Variants in DNAH14 observed in about 807,000 individuals in gnomAD.
The protein encoded by DNAH14 is axonemal beta dynein heavy chain 14.
In DNAH14, 478 loss-of-function variants were observed where a neutral mutation model predicts 520.9. The ratio of observed to expected loss-of-function variants is 0.92; its 90% CI spans 0.85 to 0.99. DNAH14 has a LOEUF of 0.99. Ranked by LOEUF, DNAH14 falls within the 50% of genes least tolerant of loss-of-function variation. The pLI is 0.00. For missense variants in DNAH14, 4,831 were observed against 5,234.5 expected (o/e 0.92, Z 2.38); for synonymous variants, 1,581 against 1,757.2 (o/e 0.90, Z 2.51).
chr1:225,266,705 T>A lies in DNAH14; in HGVS notation c.7475T>A (p.Leu2492Gln). 6.6e-7 allele frequency: 1 copy of A among 1,525,600 alleles called. No homozygotes were observed. 94.5% of individuals were successfully genotyped at this position (1,525,600 alleles called of 1,614,324 possible). A position where few individuals can be genotyped will look rare whatever the true frequency, so the allele number is the denominator to read the frequency against. Residue 2492 changes from leucine (L) to glutamine (Q), a missense_variant, in exon 49 of 86, where the codon CTG (leucine) becomes CAG (glutamine). Transcript: ENST00000682510. ...VSDMYGAQPP[L>Q]ELIRQLLDLG... ...GATATGTATGGAGCACAGCCACCCC[T>A]GGAATTGATAAGACAATTGTTAGAT...
At chr1:225,218,069 C>T (rs764967828) in intron 41 of DNAH14, among the ~76,000 whole-genome samples, 10 of 151,978 alleles carry the variant, frequency 6.6e-5, no homozygotes, top group Admixed American at 3.3e-4. Flanking sequence ...GCTTCATAAG[C>T]AAAGGAGAAA....
At chr1:224,936,851 A>G (rs896082148) in intron 1 of DNAH14, among the ~76,000 whole-genome samples, 3 of 152,158 alleles carry the variant, frequency 2.0e-5, no homozygotes, top group African/African-American at 4.8e-5. Context: ...TCAACAACAC[A>G]TTAAAAAAAT....
chr1:225,225,082 A>G (rs1204764034), intron 41 of DNAH14, among the ~76,000 whole-genome samples: 1 of 152,094 alleles, frequency 6.6e-6, no homozygotes, highest in South Asian at 2.1e-4. Flanking sequence ...AAACCACCCA[A>G]TCACATCTAT....
chr1:225,185,294 T>G lies in DNAH14; in HGVS notation c.5539T>G (p.Cys1847Gly). 1 of 1,536,696 alleles carries G rather than the reference T, an allele frequency of 6.5e-7. No homozygotes were observed. Among genetic ancestry groups the G allele is most frequent in the Non-Finnish European group, 8.8e-7 (1 of 1,142,680 alleles). Reference sequence around the variant, plus strand: ...AAATCTGTAAATTTTGTTTTAGGTTTGTGTTGGTGTGATGTTAGTGGGCCC... The same window carrying G: ...AAATCTGTAAATTTTGTTTTAGGTTGGTGTTGGTGTGATGTTAGTGGGCCC... ...IIQFYNQLQV[C>G]VGVMLVGPTG... The change falls in exon 37 of 86, where the codon TGT becomes GGT. Residue 1847 changes from cysteine to glycine, a missense_variant. Cys to Gly is a radical substitution (Grantham distance 159, BLOSUM62 -3). Coordinates refer to ENST00000682510, the MANE Select transcript of DNAH14 (RefSeq NM_001367479.1).
Position 225,100,956 on chromosome 1 carries a change from A to G in DNAH14, c.3867+72A>G, listed in dbSNP as rs1285128820. 4.8e-6 allele frequency: 6 copies of G among 1,237,794 alleles called. No homozygotes were observed. The Admixed American group carries it at 1.1e-4, about 22-fold the overall frequency. 76.7% of individuals were successfully genotyped at this position (1,237,794 alleles called of 1,614,324 possible). ...AAGTAAAAGTGATATAATGTAATCT[A>G]CTGCAGAAGCTAATTCCAGTGCAGA... On this transcript the variant is annotated intron_variant, in intron 23 of 85. Transcript: ENST00000682510.
At position 225,351,990 on chromosome 1, in the gene DNAH14, G is replaced by T; in HGVS notation, c.11533+107G>T. ...ATCTTACATTATGAAAAAATTGAAG[G>T]GAGGACTATAACTACATTTTCAGCA... On this transcript the variant is annotated intron_variant, in intron 72 of 85. Coordinates refer to ENST00000682510, the MANE Select transcript of DNAH14 (RefSeq NM_001367479.1). The T allele has an allele frequency of 3.5e-6, 3 of 850,894 alleles. No homozygotes were observed. The South Asian group carries it at 5.6e-5, about 16-fold the overall frequency. The allele number at this position is 850,894 out of a possible 1,614,324, so 52.7% of individuals were successfully genotyped here.
chr1:224,954,006 A>G (rs973001688), intron 2 of DNAH14, among the ~76,000 whole-genome samples: 1 of 152,182 alleles, frequency 6.6e-6, no homozygotes, highest in Non-Finnish European at 1.5e-5. Flanking sequence ...AGATAATTCC[A>G]AATCAGAGAT....
chr1:224,975,300 A>AG (rs1432924313), intron 8 of DNAH14, among the ~76,000 whole-genome samples: 1 of 152,148 alleles, frequency 6.6e-6, no homozygotes, highest in Non-Finnish European at 1.5e-5. Context: ...CAGAAGGAAT[A>AG]GTACCAGTTC....
chr1:225,136,259 G>A (rs774928425), intron 27 of DNAH14, among the ~76,000 whole-genome samples: 20 of 152,098 alleles, frequency 1.3e-4, no homozygotes, highest in Non-Finnish European at 2.6e-4. Context: ...TCACTAGTCT[G>A]TGTACATCAG....
chr1:225,274,521 A>G (rs573525530), intron 52 of DNAH14, among the ~76,000 whole-genome samples: 10 of 152,260 alleles, frequency 6.6e-5, no homozygotes, highest in African/African-American at 2.4e-4. Context: ...ACTTTTTAGT[A>G]TTAGCCATTC....
chr1:225,038,220 A>G (rs1403506743), intron 11 of DNAH14, among the ~76,000 whole-genome samples: 2 of 152,098 alleles, frequency 1.3e-5, no homozygotes, highest in African/African-American at 4.8e-5. Context: ...TGCCAGATGT[A>G]CCATTCTAGG....
At chr1:225,385,770 C>T (rs1035768477) in intron 81 of DNAH14, among the ~76,000 whole-genome samples, 6 of 152,004 alleles carry the variant, frequency 3.9e-5, no homozygotes, top group African/African-American at 4.8e-5. Flanking sequence ...CTCATGGATA[C>T]GAAGAATCAA....
intron 59 of DNAH14, 22 bp from the exon 60 acceptor site, chr1:225,308,263 G>T: frequency 6.6e-7 from 1 of 1,522,054 alleles, no homozygotes; most frequent in South Asian, 1.3e-5. Context: ...TTCATTCTAA[G>T]AACAATTATG....
At chr1:225,033,731 C>T (rs113323495) in intron 11 of DNAH14, among the ~76,000 whole-genome samples, 8,010 of 152,046 alleles carry the variant, frequency 0.053, 323 homozygotes, top group Non-Finnish European at 0.078. Flanking sequence ...TTCTCTGTGT[C>T]TTCTCTGATT....
intron 8 of DNAH14, among the ~76,000 whole-genome samples, chr1:224,986,932 T>A (rs765749180): frequency 3.9e-5 from 6 of 152,130 alleles, no homozygotes; most frequent in Non-Finnish European, 5.9e-5. Context: ...TGGAAAAACC[T>A]AAGGACTCCA....
intron 75 of DNAH14, 144 bp downstream of exon 75, chr1:225,361,035 T>C (rs927922179): frequency 3.7e-5 from 28 of 760,176 alleles, no homozygotes; most frequent in Middle Eastern, 3.9e-4. Flanking sequence ...CTATCTTATA[T>C]TGGTTTTCTT....
At chr1:225,110,248 G>A (rs1287942968) in intron 23 of DNAH14, among the ~76,000 whole-genome samples, 1 of 152,026 alleles carries the variant, frequency 6.6e-6, no homozygotes, top group Non-Finnish European at 1.5e-5. Flanking sequence ...ACTTTATGAG[G>A]ATTGGTATTA....
chr1:225,335,141 A>ATGTGTGCATGTGTG (rs1558423225), intron 66 of DNAH14, among the ~76,000 whole-genome samples: 1 of 123,112 alleles, frequency 8.1e-6, no homozygotes, highest in Non-Finnish European at 1.7e-5. Flanking sequence ...GTGCATGTGC[A>ATGTGTGCATGTGTG]CATGTGTACA....
At position 225,206,956 on chromosome 1, in the gene DNAH14, CCTT is replaced by C. The variant is rs1211568774; in HGVS notation, c.6187-11_6187-9del. The stretch of plus-strand genomic sequence containing the variant: ...TATTTACATAAGATTATATTTTGCT[CCTT>C]ATTATTAGGATCCTGTTGATCTGGG... On this transcript the variant is annotated splice_polypyrimidine_tract_variant and intron_variant, in intron 40 of 85. Transcript: ENST00000682510. The C allele has an allele frequency of 1.4e-6, 2 of 1,461,066 alleles. No individual in the cohort carries two copies. Among genetic ancestry groups the C allele is most frequent in the African/African-American group, 2.9e-5 (2 of 69,080 alleles). The allele number at this position is 1,461,066 out of a possible 1,614,324, so 90.5% of individuals were successfully genotyped here. A position where few individuals can be genotyped will look rare whatever the true frequency, so the allele number is the denominator to read the frequency against.
Sources: gnomAD v4.1 joint callset for allele counts (sites outside exome capture counted in the v4.1 genomes callset) on GRCh38, gnomAD v4.1.1 for gene constraint, MANE v1.5 for transcripts, NCBI Gene and HGNC (gene_info 2026-07-23, HGNC 2026-07-21) for gene names.